Variants in TMEM242 observed in about 807,000 individuals in gnomAD.
TMEM242 encodes transmembrane protein 242.
Under a neutral mutation model 18.2 loss-of-function variants are expected in TMEM242, and 10 were observed. That is an observed-to-expected ratio of 0.55 (90% CI 0.34 to 0.93). TMEM242 has a LOEUF of 0.93. Ranked by LOEUF, TMEM242 falls within the 40% of genes least tolerant of loss-of-function variation. TMEM242 has a pLI of 0.02. For synonymous variants in TMEM242, 57 were observed against 69.9 expected (o/e 0.81, Z 0.92); for missense variants, 186 against 175.5 (o/e 1.06, Z -0.34).
intron 3 of TMEM242, chr6:157,300,217 A>T: frequency 4.6e-6 from 2 of 436,004 alleles, no homozygotes; most frequent in South Asian, 4.5e-5. Flanking sequence ...CAGCACCTTC[A>T]GCCCTCTGTG....
chr6:157,296,709 A>G (rs1554247197), intron 3 of TMEM242, among the ~76,000 whole-genome samples: 1 of 152,034 alleles, frequency 6.6e-6, no homozygotes, highest in African/African-American at 2.4e-5. Flanking sequence ...AAACAAAACC[A>G]AGACATGAAT....
intron 3 of TMEM242, chr6:157,299,088 C>G (rs1247715904): frequency 1.1e-5 from 2 of 180,252 alleles, no homozygotes; most frequent in Admixed American, 6.1e-5. Context: ...TGTTTTTGCA[C>G]TCTCTTTCAG....
intron 3 of TMEM242, among the ~76,000 whole-genome samples, chr6:157,313,011 C>A (rs1554249565): frequency 3.3e-5 from 5 of 152,196 alleles, no homozygotes; most frequent in African/African-American, 1.2e-4. Flanking sequence ...TCCCAGTGTC[C>A]GCTCACCTAG....
chr6:157,313,284 G>A (rs797038747), intron 3 of TMEM242, among the ~76,000 whole-genome samples: 7 of 6,300 alleles, frequency 1.1e-3, no homozygotes, highest in East Asian at 5.5e-3. Context: ...CCCAGTGTGC[G>A]CTCATCCGGC....
chr6:157,323,299 C>T (rs952883942), intron 1 of TMEM242, 113 bp downstream of exon 1: 43 of 1,211,266 alleles, frequency 3.6e-5, no homozygotes, highest in Non-Finnish European at 4.9e-5. Context: ...CAGGGGCAAG[C>T]ACAAGCTAAG....
intron 3 of TMEM242, among the ~76,000 whole-genome samples, chr6:157,301,532 T>C (rs1359937650): frequency 6.6e-6 from 1 of 152,142 alleles, no homozygotes; most frequent in Non-Finnish European, 1.5e-5. Flanking sequence ...GGCTGGTCTC[T>C]AACTCCTGAT....
intron 3 of TMEM242, among the ~76,000 whole-genome samples, chr6:157,314,275 G>A (rs1554250081): frequency 2.0e-5 from 3 of 147,514 alleles, no homozygotes; most frequent in South Asian, 2.1e-4. Context: ...CGCTCACCTG[G>A]CCTCATCATA....
At position 157,292,219 on chromosome 6, in the gene TMEM242, CT is replaced by C. The variant is rs1290851001; in HGVS notation, c.*681del. 1.2e-4 allele frequency: 17 copies of C among 143,530 alleles called. No individual in the cohort carries two copies. Among genetic ancestry groups the C allele is most frequent in the African/African-American group, 3.6e-4 (15 of 41,272 alleles). The allele number at this position is 143,530 out of a possible 1,614,324, so 8.9% of individuals were successfully genotyped here. A position where few individuals can be genotyped will look rare whatever the true frequency, so the allele number is the denominator to read the frequency against. ...ACTTCTCAAAAAAATATGTTTACCC[CT>C]GATATCATCATTATTTTAGCCCAAC... On this transcript the variant is annotated 3_prime_UTR_variant, in exon 4 of 4. Transcript: ENST00000400788.
In TMEM242 at chr6:157,293,005, A is replaced by G. The variant is rs1554246935; in HGVS notation, c.328-6T>C. The G allele has an allele frequency of 6.2e-7, 1 of 1,603,224 alleles. No homozygotes were observed. The highest frequency in any genetic ancestry group is 2.2e-5 in the East Asian group (1 of 44,830). The stretch of plus-strand genomic sequence containing the variant: ...TTACTTCGAAAGTCGTTCATCTAAA[A>G]GAAGAAAAATAATCAGTTATCAAAT... On this transcript the variant is annotated splice_polypyrimidine_tract_variant and splice_region_variant and intron_variant, in intron 3 of 3. Transcript: ENST00000400788.
intron 3 of TMEM242, among the ~76,000 whole-genome samples, 169 bp from the exon 4 acceptor site, chr6:157,293,168 A>G (rs1204714265): frequency 6.6e-6 from 1 of 152,188 alleles, no homozygotes; most frequent in African/African-American, 2.4e-5. Context: ...TTGAAAGAAA[A>G]TGAAATATAC....
intron 3 of TMEM242, among the ~76,000 whole-genome samples, chr6:157,313,079 C>T (rs1554249602): frequency 1.2e-3 from 152 of 129,006 alleles, no homozygotes; most frequent in Middle Eastern, 0.011. Flanking sequence ...TCCCAGTATG[C>T]ACTCACCTGG....
intron 1 of TMEM242, among the ~76,000 whole-genome samples, 172 bp from the exon 2 acceptor site, chr6:157,322,977 T>C (rs782145230): frequency 4.1e-4 from 63 of 152,186 alleles, no homozygotes; most frequent in Non-Finnish European, 7.5e-4. Flanking sequence ...TGACAGCGGC[T>C]GAGAAACACG....
At chr6:157,310,483 C>G (rs149183328) in intron 3 of TMEM242, among the ~76,000 whole-genome samples, 1 of 19,890 alleles carries the variant, frequency 5.0e-5, no homozygotes. Flanking sequence ...TGTGTGCTCA[C>G]CTAGCCTCAT....
intron 3 of TMEM242, among the ~76,000 whole-genome samples, chr6:157,297,079 TAG>T (rs782125582): frequency 1.3e-5 from 2 of 152,214 alleles, no homozygotes; most frequent in African/African-American, 2.4e-5. Context: ...TGATGCCACT[TAG>T]AGAGTCCTTA....
chr6:157,301,280 C>T (rs1394173192), intron 3 of TMEM242, among the ~76,000 whole-genome samples: 1 of 152,044 alleles, frequency 6.6e-6, no homozygotes, highest in Admixed American at 6.6e-5. Context: ...ATATTGAATG[C>T]TGACAAAATG....
intron 2 of TMEM242, among the ~76,000 whole-genome samples, chr6:157,322,440 A>T (rs1337175403): frequency 1.3e-5 from 2 of 152,160 alleles, no homozygotes; most frequent in Admixed American, 1.3e-4. Context: ...CCAAATTTAG[A>T]TTCAAAGTCA....
rs139613517 is a variant in TMEM242 at position 157,315,101 on chromosome 6, C to T, written c.327+3681G>A. On this transcript the variant is annotated intron_variant, in intron 3 of 3. Transcript: ENST00000400788. ...TCTGTTTAACATTTTCTGACTGAGA[C>T]TGTTTTCTTAGTCATACAAAGATGA... is the stretch of plus-strand genomic sequence containing the variant. Among the ~76,000 whole-genome samples, 308 of 152,328 alleles carry T rather than the reference C, an allele frequency of 2.0e-3. 2 individuals are homozygous for T. The highest frequency in any genetic ancestry group is 7.1e-3 in the African/African-American group (294 of 41,574).
intron 3 of TMEM242, chr6:157,299,633 T>C (rs1456515320): frequency 2.1e-5 from 33 of 1,607,298 alleles, no homozygotes; most frequent in Admixed American, 3.3e-5. Flanking sequence ...GGGGCTGTAC[T>C]GGACAATACC....
intron 3 of TMEM242, among the ~76,000 whole-genome samples, chr6:157,310,622 AG>A (rs1778003640): frequency 5.9e-4 from 1 of 1,704 alleles, no homozygotes; most frequent in African/African-American, 1.9e-3. Flanking sequence ...GCCCTCACCT[AG>A]CCTCATCATA....
Sources: allele counts gnomAD v4.1 joint callset (sites outside exome capture counted in the v4.1 genomes callset), GRCh38; gene constraint gnomAD v4.1.1; transcripts MANE v1.5; gene names NCBI Gene and HGNC (gene_info 2026-07-23, HGNC 2026-07-21).